The following ADORA2B variants were observed in gnomAD, a reference collection of about 807,000 sequenced individuals.
ADORA2B encodes adenosine receptor A2b.
ADORA2B carries 18 observed loss-of-function variants against 20.8 expected under a neutral mutation model. That is an observed-to-expected ratio of 0.87 (90% CI 0.60 to 1.29). The LOEUF (loss-of-function observed/expected upper bound fraction) is 1.29, where lower values mean the gene tolerates loss of function less well. Among genes scored for constraint, ADORA2B ranks in the 50% most tolerant of loss-of-function variants. ADORA2B has a pLI of 0.00. For synonymous variants in ADORA2B, 179 were observed against 178.3 expected (o/e 1.00, Z -0.03); for missense variants, 441 against 422.7 (o/e 1.04, Z -0.38).
At position 15,975,146 on chromosome 17, in the gene ADORA2B, C is replaced by T; in HGVS notation, c.803C>T (p.Pro268Leu). 6.2e-7 allele frequency: 1 copy of T among 1,614,092 alleles called. No homozygotes were observed. The highest frequency in any genetic ancestry group is 8.5e-7 in the Non-Finnish European group (1 of 1,180,012). ...CAGCCAGCTCAGGGTAAAAATAAGC[C>T]CAAGTGGGCAATGAATATGGCCATT... The part of the protein sequence containing the change: ...LFQPAQGKNK[P>L]KWAMNMAILL... Residue 268 changes from proline to leucine, a missense_variant, in exon 2 of 2, where the codon CCC (proline) becomes CTC (leucine). Physicochemically the swap from Pro to Leu is moderately conservative, Grantham distance 98 (BLOSUM62 -3). Coordinates refer to ENST00000304222, the MANE Select transcript of ADORA2B (RefSeq NM_000676.4).
chr17:15,859,676 T>G, the ADORA2B span, among the ~76,000 whole-genome samples: 1 of 152,126 alleles, frequency 6.6e-6, no homozygotes, highest in South Asian at 2.1e-4. Flanking sequence ...CCAGGTATCA[T>G]GGCATGCTCC....
the ADORA2B span, among the ~76,000 whole-genome samples, chr17:15,929,494 C>T: frequency 6.6e-6 from 1 of 152,182 alleles, no homozygotes; most frequent in Non-Finnish European, 1.5e-5. Context: ...GAGGGCTTTC[C>T]TGTGGAGGTG....
the ADORA2B span, among the ~76,000 whole-genome samples, chr17:15,937,761 CAG>C: frequency 1.3e-5 from 2 of 151,978 alleles, no homozygotes; most frequent in East Asian, 3.9e-4. Flanking sequence ...TTAGTAGAGA[CAG>C]GGTTTCACCA....
At chr17:15,852,015 T>A in the ADORA2B span, among the ~76,000 whole-genome samples, 1 of 152,256 alleles carries the variant, frequency 6.6e-6, no homozygotes, top group African/African-American at 2.4e-5. Context: ...TTCGTATGTT[T>A]ACAGACGGTT....
chr17:15,875,695 G>A, the ADORA2B span, among the ~76,000 whole-genome samples: 1 of 152,154 alleles, frequency 6.6e-6, no homozygotes, highest in South Asian at 2.1e-4. Flanking sequence ...TGATTCTCCT[G>A]CCTCAGCCTC....
At chr17:15,881,952 C>T in the ADORA2B span, among the ~76,000 whole-genome samples, 1 of 152,150 alleles carries the variant, frequency 6.6e-6, no homozygotes. Flanking sequence ...GAAAGACTGG[C>T]TTTTTCTAAT....
chr17:15,909,608 C>T, the ADORA2B span, among the ~76,000 whole-genome samples: 1 of 152,192 alleles, frequency 6.6e-6, no homozygotes. Context: ...CTCCCATTCA[C>T]ACCCACACAG....
the ADORA2B span, among the ~76,000 whole-genome samples, chr17:15,890,242 T>C: frequency 1.1e-4 from 14 of 129,540 alleles, 4 homozygotes; most frequent in Non-Finnish European, 4.9e-5. Context: ...GTTTTCATTT[T>C]CAATGAGACT....
intron 1 of ADORA2B, among the ~76,000 whole-genome samples, chr17:15,951,324 T>G (rs997214574): frequency 6.6e-6 from 1 of 152,218 alleles, no homozygotes; most frequent in African/African-American, 2.4e-5. Context: ...AGGCCCAGGC[T>G]GAGGCCAGGG....
chr17:15,867,589 G>A, the ADORA2B span, among the ~76,000 whole-genome samples: 5 of 149,616 alleles, frequency 3.3e-5, no homozygotes, highest in Admixed American at 1.3e-4. Context: ...TCAGCCCCCC[G>A]CCCGGCCAGC....
intron 1 of ADORA2B, among the ~76,000 whole-genome samples, chr17:15,966,933 G>T (rs1402161724): frequency 6.6e-6 from 1 of 152,254 alleles, no homozygotes; most frequent in Non-Finnish European, 1.5e-5. Flanking sequence ...AGCAGTGACT[G>T]CCACGGGCTG....
chr17:15,918,812 T>G, the ADORA2B span, among the ~76,000 whole-genome samples: 1 of 152,158 alleles, frequency 6.6e-6, no homozygotes, highest in South Asian at 2.1e-4. Flanking sequence ...CCTGCAATAT[T>G]TGGGACAGAC....
intron 1 of ADORA2B, among the ~76,000 whole-genome samples, chr17:15,969,431 C>T (rs535200450): frequency 7.9e-5 from 12 of 152,056 alleles, no homozygotes; most frequent in East Asian, 1.9e-4. Flanking sequence ...GCAGCCCTGG[C>T]GACAGTGTGA....
chr17:15,884,795 C>T, the ADORA2B span, among the ~76,000 whole-genome samples: 3 of 151,982 alleles, frequency 2.0e-5, no homozygotes, highest in Admixed American at 6.5e-5. Context: ...GTATATGTAC[C>T]GTATTCTCTT....
At chr17:15,895,810 G>A in the ADORA2B span, among the ~76,000 whole-genome samples, 1 of 152,176 alleles carries the variant, frequency 6.6e-6, no homozygotes, top group African/African-American at 2.4e-5. Context: ...GCAAAGAGAG[G>A]GAGGACTGAG....
the ADORA2B span, among the ~76,000 whole-genome samples, chr17:15,939,859 C>CAA: frequency 5.5e-3 from 283 of 51,732 alleles, 1 homozygote; most frequent in Middle Eastern, 0.018. Context: ...GACTCTGTCT[C>CAA]AAAAAAAAAA....
the ADORA2B span, among the ~76,000 whole-genome samples, chr17:15,885,093 A>G: frequency 6.6e-6 from 1 of 152,114 alleles, no homozygotes; most frequent in Non-Finnish European, 1.5e-5. Context: ...TTGTTTCTTG[A>G]CTTTTTAATA....
At chr17:15,859,904 A>G in the ADORA2B span, among the ~76,000 whole-genome samples, 1 of 152,256 alleles carries the variant, frequency 6.6e-6, no homozygotes, top group African/African-American at 2.4e-5. Context: ...ACCACCCCTC[A>G]TATTGTCTTA....
At chr17:15,957,161 C>T (rs147720734) in intron 1 of ADORA2B, among the ~76,000 whole-genome samples, 2 of 152,278 alleles carry the variant, frequency 1.3e-5, no homozygotes, top group South Asian at 2.1e-4. Flanking sequence ...ATTGGAGACT[C>T]GTAGAACCAC....
Sources: gnomAD v4.1 joint callset for allele counts (sites outside exome capture counted in the v4.1 genomes callset) on GRCh38, gnomAD v4.1.1 for gene constraint, MANE v1.5 for transcripts, NCBI Gene and HGNC (gene_info 2026-07-23, HGNC 2026-07-21) for gene names.